The following TAF2 variants were observed in gnomAD, a reference collection of about 807,000 sequenced individuals.
TAF2 encodes the protein transcription initiation factor TFIID subunit 2.
A neutral mutation model predicts 138.5 loss-of-function variants in TAF2; 61 were observed. That is an observed-to-expected ratio of 0.44 (90% CI 0.36 to 0.54). TAF2 has a LOEUF of 0.54. Ranked by LOEUF, TAF2 falls within the 20% of genes least tolerant of loss-of-function variation. TAF2 has a pLI of 0.00. For missense variants in TAF2, 1,090 were observed against 1,427.9 expected (o/e 0.76, Z 3.81); for synonymous variants, 475 against 469.9 (o/e 1.01, Z -0.14).
intron 21 of TAF2, among the ~76,000 whole-genome samples, 165 bp from the exon 22 acceptor site, chr8:119,756,280 C>T (rs1820697126): frequency 6.6e-6 from 1 of 152,096 alleles, no homozygotes; most frequent in South Asian, 2.1e-4. Flanking sequence ...TTTCCAAAGA[C>T]ATGATGTTAT....
chr8:119,832,780 G>C lies in TAF2; in HGVS notation c.-216C>G. ...CCGCCGTCGACAAGCTTCTGTCACA[G>C]AGATGCTCCTCTCCGCAAGGGCTCG... On this transcript the variant is annotated 5_prime_UTR_variant, in exon 1 of 26. Transcript: ENST00000378164. 1 of 508,266 alleles carries C rather than the reference G, an allele frequency of 2.0e-6. No homozygotes were observed. Among genetic ancestry groups the C allele is most frequent in the East Asian group, 3.1e-5 (1 of 32,182 alleles). 31.5% of individuals were successfully genotyped at this position (508,266 alleles called of 1,614,324 possible).
chr8:119,736,566 T>C (rs10104449), intron 25 of TAF2, among the ~76,000 whole-genome samples: 5,085 of 152,290 alleles, frequency 0.033, 158 homozygotes, highest in South Asian at 0.11. Context: ...ATTAAATACA[T>C]AGAAAAATTA....
chr8:119,754,470 G>A (rs903252799), intron 22 of TAF2, among the ~76,000 whole-genome samples: 4 of 152,126 alleles, frequency 2.6e-5, no homozygotes, highest in African/African-American at 9.7e-5. Flanking sequence ...GGATCACAAG[G>A]TCAGGAGTTC....
intron 9 of TAF2, among the ~76,000 whole-genome samples, chr8:119,795,168 T>C (rs1823735376): frequency 6.6e-6 from 1 of 152,184 alleles, no homozygotes; most frequent in South Asian, 2.1e-4. Context: ...AATCTCTGCC[T>C]ATGGGCAGAC....
intron 3 of TAF2, among the ~76,000 whole-genome samples, chr8:119,812,078 C>T (rs73705425): frequency 0.011 from 1,707 of 152,050 alleles, 34 homozygotes; most frequent in African/African-American, 0.039. Flanking sequence ...CTTTGTTGCA[C>T]GCAAGTTTTT....
At chr8:119,787,948 C>T (rs1014319273) in intron 14 of TAF2, among the ~76,000 whole-genome samples, 6 of 152,056 alleles carry the variant, frequency 3.9e-5, no homozygotes, top group Non-Finnish European at 7.4e-5. Context: ...GGGACATGGA[C>T]GAAGCTGGAA....
At chr8:119,793,849 C>T (rs532832502) in intron 9 of TAF2, among the ~76,000 whole-genome samples, 19 of 133,226 alleles carry the variant, frequency 1.4e-4, no homozygotes, top group African/African-American at 4.6e-4. Context: ...CTCCAGTCTT[C>T]TCTAACATGA....
chr8:119,771,829 G>C (rs962405359), intron 18 of TAF2, among the ~76,000 whole-genome samples: 8 of 152,176 alleles, frequency 5.3e-5, no homozygotes, highest in African/African-American at 1.7e-4. Context: ...CTAGAATCTA[G>C]ACCAAATGGA....
Position 119,783,429 on chromosome 8 carries a change from C to T in TAF2, c.2064G>A (p.Glu688=). 6.2e-7 allele frequency: 1 copy of T among 1,614,108 alleles called. No homozygotes were observed. The highest frequency in any genetic ancestry group is 1.1e-5 in the South Asian group (1 of 91,088). ...RLALTDILEQ[E]QCFYRVRMSA... is the part of the protein sequence containing the mutation. ...ACATTCTTACTCTGTAGAAACACTG[C>T]TCTTGTTCTAATATATCAGTGAGTG... Residue 688 remains glutamate, a synonymous_variant, in exon 16 of 26, where the codon GAG becomes GAA. Transcript: ENST00000378164.
chr8:119,824,921 T>C (rs1826006879), intron 2 of TAF2, among the ~76,000 whole-genome samples: 5 of 152,202 alleles, frequency 3.3e-5, no homozygotes, highest in African/African-American at 2.4e-5. Flanking sequence ...GAACCTCTCC[T>C]AGGCCAGTGC....
At chr8:119,788,937 A>G in intron 12 of TAF2, 33 bp from the exon 13 acceptor site, 1 of 1,344,264 alleles carries the variant, frequency 7.4e-7, no homozygotes, top group Non-Finnish European at 1.1e-6. Context: ...TTACATACTG[A>G]AACGAATATG....
intron 10 of TAF2, 68 bp downstream of exon 10, chr8:119,793,298 G>A: frequency 1.5e-6 from 2 of 1,301,666 alleles, no homozygotes; most frequent in Non-Finnish European, 2.2e-6. Flanking sequence ...ATACTATTTA[G>A]CTCTTAAATG....
rs1198429939 is a variant in TAF2, at chr8:119,788,923, A to G, written c.1569-19T>C. On this transcript the variant is annotated intron_variant, in intron 12 of 25. Transcript: ENST00000378164. The stretch of plus-strand genomic sequence containing the variant: ...CTGATCTCTGAAGAATTGTAAAGGA[A>G]AGTTTACATACTGAAACGAATATGT... 2 of 1,476,222 alleles carry G rather than the reference A, an allele frequency of 1.4e-6. No individual in the cohort carries two copies. The highest frequency in any genetic ancestry group is 1.9e-6 in the Non-Finnish European group (2 of 1,054,320). 91.4% of individuals were successfully genotyped at this position (1,476,222 alleles called of 1,614,324 possible). A position where few individuals can be genotyped will look rare whatever the true frequency, so the allele number is the denominator to read the frequency against.
chr8:119,799,199 T>C (rs762162576), intron 6 of TAF2, among the ~76,000 whole-genome samples: 3 of 152,194 alleles, frequency 2.0e-5, no homozygotes, highest in Non-Finnish European at 4.4e-5. Flanking sequence ...CTACGGTACA[T>C]GCGTACAATG....
chr8:119,793,996 T>C (rs895557543), intron 9 of TAF2, among the ~76,000 whole-genome samples: 9 of 152,060 alleles, frequency 5.9e-5, no homozygotes, highest in African/African-American at 2.2e-4. Context: ...TAGCTGATTA[T>C]GGCTTACTGC....
chr8:119,734,667 AC>A (rs144568807), intron 25 of TAF2, among the ~76,000 whole-genome samples: 187 of 152,260 alleles, frequency 1.2e-3, no homozygotes, highest in African/African-American at 4.4e-3. Context: ...CTATATTGGG[AC>A]TGGGGAAAAT....
At chr8:119,798,599 CCAGGGT>C (rs1217335504) in intron 6 of TAF2, among the ~76,000 whole-genome samples, 1 of 151,886 alleles carries the variant, frequency 6.6e-6, no homozygotes, top group Non-Finnish European at 1.5e-5. Flanking sequence ...AGAGAACGTC[CCAGGGT>C]CAAAGATGGG....
At chr8:119,819,627 T>C in intron 2 of TAF2, 121 bp from the exon 3 acceptor site, 1 of 751,972 alleles carries the variant, frequency 1.3e-6, no homozygotes, top group Non-Finnish European at 2.3e-6. Context: ...AATAGCTACA[T>C]ACATACATAT....
intron 2 of TAF2, among the ~76,000 whole-genome samples, chr8:119,822,560 C>T (rs973388150): frequency 2.6e-5 from 4 of 152,158 alleles, no homozygotes; most frequent in Non-Finnish European, 4.4e-5. Flanking sequence ...TGCCATCACT[C>T]TAAGTGACTT....
Sources: gnomAD v4.1 joint callset for allele counts (sites outside exome capture counted in the v4.1 genomes callset) on GRCh38, gnomAD v4.1.1 for gene constraint, MANE v1.5 for transcripts, NCBI Gene and HGNC (gene_info 2026-07-23, HGNC 2026-07-21) for gene names.